BIRC6: variants seen among roughly 807,000 people sequenced by gnomAD.
BIRC6 encodes the protein baculoviral IAP repeat containing 6, also known as dual E2 ubiquitin-conjugating enzyme/E3 ubiquitin-protein ligase BIRC6.
Under a neutral mutation model 503.3 loss-of-function variants are expected in BIRC6, and 98 were observed. The observed-to-expected ratio is 0.19, with a 90% CI of 0.17 to 0.23. The LOEUF (loss-of-function observed/expected upper bound fraction) is 0.23, where lower values mean the gene tolerates loss of function less well. Among genes scored for constraint, BIRC6 ranks in the 10% least tolerant of loss-of-function variants. The probability of loss-of-function intolerance (pLI) is 1.00; values close to 1 mark genes in which losing one functional copy is unlikely to be tolerated. For missense variants in BIRC6, 5,360 were observed against 5,806.0 expected (o/e 0.92, Z 2.50); for synonymous variants, 2,240 against 2,078.7 (o/e 1.08, Z -2.11).
chr2:32,593,832 C>G (rs2061524468), intron 66 of BIRC6, 83 bp from the exon 67 acceptor site: 4 of 1,205,832 alleles, frequency 3.3e-6, no homozygotes, highest in East Asian at 2.4e-5. Flanking sequence ...TGCACACACT[C>G]ATTTGTATAT....
In BIRC6 at chr2:32,515,725, A is replaced by G. The variant is rs773024342; in HGVS notation, c.11304A>G (p.Leu3768=). The change falls in exon 55 of 74, where the codon CTA becomes CTG. Residue 3768 remains leucine, a synonymous_variant. Coordinates refer to ENST00000421745, the MANE Select transcript of BIRC6 (RefSeq NM_016252.4). ...AIENATVAFF[L]QCISCHPNNQ... ...AGAATGCAACTGTTGCGTTCTTTCT[A>G]CAGTGCATTTCATGCCATCCTAATA... 10 of 1,601,264 alleles carry G rather than the reference A, an allele frequency of 6.2e-6. No homozygotes were observed. The highest frequency in any genetic ancestry group is 4.4e-5 in the South Asian group (4 of 91,086).
intron 66 of BIRC6, among the ~76,000 whole-genome samples, chr2:32,581,426 AG>A (rs1353333370): frequency 6.6e-6 from 1 of 152,216 alleles, no homozygotes; most frequent in African/African-American, 2.4e-5. Context: ...GGCATTTGTG[AG>A]GAAGAACTTT....
chr2:32,461,845 A>G (rs1453037597), intron 23 of BIRC6, among the ~76,000 whole-genome samples: 3 of 152,100 alleles, frequency 2.0e-5, no homozygotes, highest in South Asian at 2.1e-4. Context: ...CCTCATACGT[A>G]TAATAGTAGC....
intron 1 of BIRC6, among the ~76,000 whole-genome samples, chr2:32,375,888 T>C (rs2036696135): frequency 1.3e-5 from 2 of 152,008 alleles, no homozygotes; most frequent in Non-Finnish European, 2.9e-5. Flanking sequence ...CTAAACCCGA[T>C]GAAAATACAT....
chr2:32,508,379 C>T, intron 51 of BIRC6, 120 bp downstream of exon 51: 1 of 1,247,238 alleles, frequency 8.0e-7, no homozygotes, highest in East Asian at 2.6e-5. Flanking sequence ...GTCTTTGTTC[C>T]ATAGGTATCT....
chr2:32,525,989 C>A (rs1011379047), intron 59 of BIRC6, among the ~76,000 whole-genome samples: 1 of 152,120 alleles, frequency 6.6e-6, no homozygotes, highest in South Asian at 2.1e-4. Flanking sequence ...AACTCTTAGA[C>A]CACTGGTAGT....
At chr2:32,568,023 A>G (rs2059648486) in intron 65 of BIRC6, among the ~76,000 whole-genome samples, 1 of 152,072 alleles carries the variant, frequency 6.6e-6, no homozygotes, top group Non-Finnish European at 1.5e-5. Flanking sequence ...GAGGCAGGAG[A>G]ATGGCATGAA....
In BIRC6 at chr2:32,487,627, T is replaced by A; in HGVS notation, c.7814-20T>A. 1 of 1,604,168 alleles carries A rather than the reference T, an allele frequency of 6.2e-7. No homozygotes were observed. Among genetic ancestry groups the A allele is most frequent in the East Asian group, 2.2e-5 (1 of 44,756 alleles). On this transcript the variant is annotated intron_variant, in intron 40 of 73. Transcript: ENST00000421745. ...TCCTGATACTTTATGTATAAAATTA[T>A]ACTTGTGTTTAATTTTCAGTATCAC...
At chr2:32,532,070 T>C (rs2056809443) in intron 61 of BIRC6, 1 of 524,240 alleles carries the variant, frequency 1.9e-6, no homozygotes, top group Admixed American at 2.0e-5. Flanking sequence ...GCATGGAGAG[T>C]TGTAAAAACA....
intron 35 of BIRC6, 123 bp from the exon 36 acceptor site, chr2:32,478,512 C>G (rs1311216358): frequency 8.3e-6 from 6 of 720,152 alleles, no homozygotes; most frequent in African/African-American, 7.5e-5. Context: ...TTTTTTGATA[C>G]CAGACTCATA....
Position 32,491,462 on chromosome 2 carries a change from T to C in BIRC6, c.8244T>C (p.Thr2748=), listed in dbSNP as rs998310464. The change falls in exon 44 of 74, where the codon ACT becomes ACC. Residue 2748 remains threonine (T), a synonymous_variant. Transcript: ENST00000421745. Reference sequence around the variant, plus strand: ...GTGCCATTGGAACTCAGGAGAGTACTGCTCATTTGTTGGTTTCAGATCCAA... The same window carrying C: ...GTGCCATTGGAACTCAGGAGAGTACCGCTCATTTGTTGGTTTCAGATCCAA... ...SSSAIGTQES[T]AHLLVSDPNL... is the part of the protein sequence containing the mutation. The C allele has an allele frequency of 3.7e-6, 6 of 1,613,532 alleles. No homozygotes were observed. In the African/African-American group the frequency reaches 8.0e-5, roughly 22 times the overall value.
Position 32,473,250 on chromosome 2 carries a change from A to G in BIRC6, c.6720+11A>G. The G allele has an allele frequency of 6.6e-7, 1 of 1,513,476 alleles. No homozygotes were observed. The highest frequency in any genetic ancestry group is 8.8e-7 in the Non-Finnish European group (1 of 1,130,238). The allele number at this position is 1,513,476 out of a possible 1,614,324, so 93.8% of individuals were successfully genotyped here. ...GTTCATCATAAACAGGTAATTGTCAATATATTTAAAAATTTTTAATGTTTG... is the reference window on the plus strand; with the variant it reads ...GTTCATCATAAACAGGTAATTGTCAGTATATTTAAAAATTTTTAATGTTTG... On this transcript the variant is annotated intron_variant, in intron 33 of 73. Coordinates refer to ENST00000421745, the MANE Select transcript of BIRC6 (RefSeq NM_016252.4).
intron 60 of BIRC6, among the ~76,000 whole-genome samples, chr2:32,530,607 A>G (rs2056660512): frequency 2.5e-5 from 1 of 40,806 alleles, no homozygotes; most frequent in African/African-American, 1.1e-4. Flanking sequence ...TCATCGAAAC[A>G]TTGTGGTTGT....
intron 23 of BIRC6, among the ~76,000 whole-genome samples, chr2:32,455,598 G>T (rs2047173366): frequency 6.6e-6 from 1 of 152,184 alleles, no homozygotes; most frequent in East Asian, 1.9e-4. Context: ...CTGCACTCTA[G>T]CCTGGGTGAC....
chr2:32,529,895 A>T, intron 60 of BIRC6, 71 bp downstream of exon 60: 1 of 957,662 alleles, frequency 1.0e-6, no homozygotes, highest in Non-Finnish European at 1.4e-6. Flanking sequence ...ATAGCTAATG[A>T]CTTAATTGAC....
chr2:32,582,251 A>G (rs576575908), intron 66 of BIRC6, among the ~76,000 whole-genome samples: 2 of 152,302 alleles, frequency 1.3e-5, no homozygotes, highest in African/African-American at 2.4e-5. Flanking sequence ...GCTCTTGTGT[A>G]TAATCCCAGC....
chr2:32,429,786 C>T (rs763403457), intron 11 of BIRC6, among the ~76,000 whole-genome samples: 2 of 152,134 alleles, frequency 1.3e-5, no homozygotes, highest in African/African-American at 2.4e-5. Flanking sequence ...GCCAAAAAAT[C>T]ATTATTTGCC....
Position 32,431,109 on chromosome 2 carries a change from A to T in BIRC6, c.3248+19A>T, listed in dbSNP as rs746231177. ...CCGACAGGTAAAAGATATTCCCAAG[A>T]TAATTAATTTTAAGTCCATCTTGTG... On this transcript the variant is annotated intron_variant, in intron 12 of 73. Transcript: ENST00000421745. 8.5e-6 allele frequency: 13 copies of T among 1,537,890 alleles called. No individual in the cohort carries two copies. The East Asian group carries it at 2.3e-4, about 28-fold the overall frequency.
intron 65 of BIRC6, among the ~76,000 whole-genome samples, chr2:32,550,178 T>C (rs1372881021): frequency 6.6e-6 from 1 of 152,210 alleles, no homozygotes; most frequent in Non-Finnish European, 1.5e-5. Context: ...CATATTCTTA[T>C]CTCTGTCTTT....
Sources: gnomAD v4.1 joint callset for allele counts (sites outside exome capture counted in the v4.1 genomes callset) on GRCh38, gnomAD v4.1.1 for gene constraint, MANE v1.5 for transcripts, NCBI Gene and HGNC (gene_info 2026-07-23, HGNC 2026-07-21) for gene names.